JDP2: variants seen among roughly 807,000 people sequenced by gnomAD.
JDP2 encodes Jun dimerization protein 2, also known as progesterone receptor co-activator.
A neutral mutation model predicts 17.1 loss-of-function variants in JDP2; 9 were observed. That is an observed-to-expected ratio of 0.53 (90% CI 0.32 to 0.92). JDP2 has a LOEUF of 0.92. Among genes scored for constraint, JDP2 ranks in the 40% least tolerant of loss-of-function variants. The pLI is 0.04. For synonymous variants in JDP2, 107 were observed against 95.6 expected (o/e 1.12, Z -0.69); for missense variants, 179 against 220.0 (o/e 0.81, Z 1.18).
At position 75,428,076 on chromosome 14, in the gene JDP2, G is replaced by GGCGGCGGCGGACGCTGCA. The variant is rs996936040; in HGVS notation, c.-189_-172dup. The GGCGGCGGCGGACGCTGCA allele has an allele frequency of 2.7e-5, 4 of 148,140 alleles. No homozygotes were observed. Among genetic ancestry groups the GGCGGCGGCGGACGCTGCA allele is most frequent in the East Asian group, 2.0e-4 (1 of 5,088 alleles). The allele number at this position is 148,140 out of a possible 1,614,324, so 9.2% of individuals were successfully genotyped here. ...CTCGGCGGCCGCGACGGGGGGCGCT[G>GGCGGCGGCGGACGCTGCA]GCGGCGGCGGACGCTGCAGCGGCGG... is the stretch of plus-strand genomic sequence containing the variant. On this transcript the variant is annotated 5_prime_UTR_variant, in exon 1 of 4. Transcript: ENST00000651602. This position sits in a 1 kb window ranked among gnomAD's most constrained non-coding sequence, Gnocchi z 5.6.
chr14:75,455,472 C>T (rs1235452939), intron 2 of JDP2, among the ~76,000 whole-genome samples: 2 of 152,180 alleles, frequency 1.3e-5, no homozygotes, highest in Non-Finnish European at 2.9e-5. Context: ...TTTTACCCTG[C>T]TCTGTGCCCC....
Position 75,430,806 on chromosome 14 carries a change from G to A in JDP2, c.-24+2554G>A, listed in dbSNP as rs962332765. Among the ~76,000 whole-genome samples the A allele has an allele frequency of 2.0e-5, 3 of 152,144 alleles. No homozygotes were observed. The highest frequency in any genetic ancestry group is 3.8e-4 in the East Asian group (2 of 5,202). The stretch of plus-strand genomic sequence containing the variant: ...TGCGTGTGCATGTGTGTGCACATGC[G>A]TTCTTGTGTGTGTGTGTGGTTTGGC... On this transcript the variant is annotated intron_variant, in intron 1 of 3. Transcript: ENST00000651602. The surrounding 1 kb of genome is among the most constrained non-coding windows in gnomAD (Gnocchi z 4.5).
chr14:75,453,725 C>T (rs1433893587), intron 2 of JDP2, among the ~76,000 whole-genome samples: 1 of 152,198 alleles, frequency 6.6e-6, no homozygotes, highest in African/African-American at 2.4e-5. Context: ...TGGAGGAACT[C>T]AGGTCTTAAA....
At position 75,452,929 on chromosome 14, in the gene JDP2, A is replaced by G. The variant is rs555295187; in HGVS notation, c.202-8497A>G. On this transcript the variant is annotated intron_variant, in intron 2 of 3. Transcript: ENST00000651602. ...AGGCCCAGACCTTGGCCACTGAGTA[A>G]GAAGGCCTGGCAAGAGATGACGGGA... Among the ~76,000 whole-genome samples, 534 of 152,344 alleles carry G rather than the reference A, an allele frequency of 3.5e-3. 2 individuals are homozygous for G. The highest frequency in any genetic ancestry group is 0.017 in the Middle Eastern group (5 of 294).
In JDP2 at chr14:75,430,771, T is replaced by TATGTGTGTGTGCGTGTGC; in HGVS notation, c.-24+2529_-24+2546dup. On this transcript the variant is annotated intron_variant, in intron 1 of 3. Transcript: ENST00000651602. This position sits in a 1 kb window ranked among gnomAD's most constrained non-coding sequence, Gnocchi z 4.5. ...GGCTGCCAAGCTCCATGTGCCTGTG[T>TATGTGTGTGTGCGTGTGC]ATGTGTGTGTGCGTGTGCATGTGTG... Among the ~76,000 whole-genome samples the TATGTGTGTGTGCGTGTGC allele has an allele frequency of 6.6e-6, 1 of 152,114 alleles. No homozygotes were observed. The highest frequency in any genetic ancestry group is 1.5e-5 in the Non-Finnish European group (1 of 68,022).
Position 75,428,141 on chromosome 14 carries a change from C to G in JDP2, c.-135C>G, listed in dbSNP as rs1291381283. ...CGGCGGCTCCCGGGCCGGGACAGGC[C>G]TGGGCACCGGGCGGAGCTCCGCGGC... On this transcript the variant is annotated 5_prime_UTR_variant, in exon 1 of 4. Transcript: ENST00000651602. The surrounding 1 kb of genome is among the most constrained non-coding windows in gnomAD (Gnocchi z 5.6). 6.9e-6 allele frequency: 1 copy of G among 145,956 alleles called. No homozygotes were observed. The highest frequency in any genetic ancestry group is 2.0e-4 in the East Asian group (1 of 5,004). 9.0% of individuals were successfully genotyped at this position (145,956 alleles called of 1,614,324 possible).
Position 75,428,781 on chromosome 14 carries a change from G to A in JDP2, c.-24+529G>A, listed in dbSNP as rs1220174462. On this transcript the variant is annotated intron_variant, in intron 1 of 3. Coordinates refer to ENST00000651602, the MANE Select transcript of JDP2 (RefSeq NM_001135048.2). This position sits in a 1 kb window ranked among gnomAD's most constrained non-coding sequence, Gnocchi z 5.6. ...ACCCGGACCCGGAGGAGAGTATTGA[G>A]AAGGGCTCGGGATTTCCATCCAATG... Among the ~76,000 whole-genome samples the A allele has an allele frequency of 6.6e-6, 1 of 152,200 alleles. No homozygotes were observed. The highest frequency in any genetic ancestry group is 1.5e-5 in the Non-Finnish European group (1 of 68,032).
intron 2 of JDP2, among the ~76,000 whole-genome samples, chr14:75,459,956 G>C (rs980551773): frequency 6.6e-6 from 1 of 152,180 alleles, no homozygotes; most frequent in Non-Finnish European, 1.5e-5. Flanking sequence ...TTTTGTAGTT[G>C]TATGGCCTTG....
In JDP2 at chr14:75,472,708, T is replaced by A. The variant is rs1001603779; in HGVS notation, c.*3233T>A. 5 of 152,274 alleles carry A rather than the reference T, an allele frequency of 3.3e-5. No homozygotes were observed. Among genetic ancestry groups the A allele is most frequent in the Non-Finnish European group, 7.3e-5 (5 of 68,050 alleles). 9.4% of individuals were successfully genotyped at this position (152,274 alleles called of 1,614,324 possible). On this transcript the variant is annotated 3_prime_UTR_variant, in exon 4 of 4. Transcript: ENST00000651602. ...AAGCTCCCTAAAATGGTAATTATTT[T>A]GTCCTCTGTTAGTGTCGGTAGTTAT...
intron 1 of JDP2, among the ~76,000 whole-genome samples, chr14:75,435,699 A>G (rs1885031936): frequency 6.6e-6 from 1 of 152,200 alleles, no homozygotes; most frequent in Admixed American, 6.5e-5. Context: ...AGATGAGCAC[A>G]GGGCCTCCTT....
At chr14:75,437,723 A>T (rs1314054327) in intron 1 of JDP2, among the ~76,000 whole-genome samples, 175 bp from the exon 2 acceptor site, 3 of 152,250 alleles carry the variant, frequency 2.0e-5, no homozygotes, top group Admixed American at 6.5e-5. Flanking sequence ...GAGTTAATTG[A>T]GCAACTTTTC....
chr14:75,455,147 T>G (rs930106880), intron 2 of JDP2, among the ~76,000 whole-genome samples: 1 of 152,136 alleles, frequency 6.6e-6, no homozygotes, highest in African/African-American at 2.4e-5. Context: ...CAAATCTGCG[T>G]GCGCATGTAC....
chr14:75,451,262 G>A (rs1338554492), intron 2 of JDP2, among the ~76,000 whole-genome samples: 1 of 152,116 alleles, frequency 6.6e-6, no homozygotes, highest in Non-Finnish European at 1.5e-5. Flanking sequence ...AGGCCTCCTG[G>A]GGGACTGGGG....
Position 75,430,238 on chromosome 14 carries a change from GC to G in JDP2, c.-24+1987del, listed in dbSNP as rs1385460848. 2.0e-5 allele frequency among the ~76,000 whole-genome samples: 3 copies of G among 152,152 alleles called. No individual in the cohort carries two copies. Among genetic ancestry groups the G allele is most frequent in the East Asian group, 3.9e-4 (2 of 5,190 alleles). On this transcript the variant is annotated intron_variant, in intron 1 of 3. Transcript: ENST00000651602. The surrounding 1 kb of genome is among the most constrained non-coding windows in gnomAD (Gnocchi z 4.5). ...CGTGGGGCTACTGGTGTTGCAATGGGCTGTCTCTCTCGAGTGTCTGTTTCCA... is the reference window on the plus strand; with the variant it reads ...CGTGGGGCTACTGGTGTTGCAATGGGTGTCTCTCTCGAGTGTCTGTTTCCA...
chr14:75,445,499 A>G, intron 2 of JDP2: 1 of 985,438 alleles, frequency 1.0e-6, no homozygotes, highest in Non-Finnish European at 1.2e-6. Context: ...GTCCCCGCGA[A>G]TAAAAACCCT....
chr14:75,464,327 A>G (rs1886474134), intron 3 of JDP2, among the ~76,000 whole-genome samples: 1 of 152,238 alleles, frequency 6.6e-6, no homozygotes. Context: ...CAGTTGGGAC[A>G]AATATCTACA....
At chr14:75,453,529 C>T (rs976661451) in intron 2 of JDP2, among the ~76,000 whole-genome samples, 3 of 152,348 alleles carry the variant, frequency 2.0e-5, no homozygotes, top group Non-Finnish European at 2.9e-5. Flanking sequence ...GCCTTGCCTG[C>T]GAAGGAAGGC....
At position 75,473,890 on chromosome 14, in the gene JDP2, G is replaced by A. The variant is rs1214250291; in HGVS notation, c.*4415G>A. On this transcript the variant is annotated 3_prime_UTR_variant, in exon 4 of 4. Transcript: ENST00000651602. ...AGTGCTCCTGGGAGGGCCGCGGAGA[G>A]GAGGGAACTAGGGATGCCACTGCAA... 1.3e-5 allele frequency: 2 copies of A among 152,258 alleles called. No individual in the cohort carries two copies. Among genetic ancestry groups the A allele is most frequent in the African/African-American group, 2.4e-5 (1 of 41,458 alleles). The allele number at this position is 152,258 out of a possible 1,614,324, so 9.4% of individuals were successfully genotyped here.
chr14:75,472,771 A>T lies in JDP2; in HGVS notation c.*3296A>T, dbSNP rs1313548103. 6.6e-6 allele frequency: 1 copy of T among 152,250 alleles called. No individual in the cohort carries two copies. The highest frequency in any genetic ancestry group is 1.5e-5 in the Non-Finnish European group (1 of 68,050). 9.4% of individuals were successfully genotyped at this position (152,250 alleles called of 1,614,324 possible). ...AGTACAGGTTATTTAAATATGTTTT[A>T]TTCTGTAAAGATGGGCTGCCAAGTT... On this transcript the variant is annotated 3_prime_UTR_variant, in exon 4 of 4. Coordinates refer to ENST00000651602, the MANE Select transcript of JDP2 (RefSeq NM_001135048.2).
Sources: allele counts gnomAD v4.1 joint callset (sites outside exome capture counted in the v4.1 genomes callset), GRCh38; gene constraint gnomAD v4.1.1; non-coding constraint Gnocchi (gnomAD v3.1); transcripts MANE v1.5; gene names NCBI Gene and HGNC (gene_info 2026-07-23, HGNC 2026-07-21).